Variants in JAKMIP2 observed in about 807,000 individuals in gnomAD.
JAKMIP2 encodes janus kinase and microtubule-interacting protein 2.
Under a neutral mutation model 115.0 loss-of-function variants are expected in JAKMIP2, and 25 were observed. The observed-to-expected ratio is 0.22, with a 90% CI of 0.16 to 0.30. The LOEUF (loss-of-function observed/expected upper bound fraction) is 0.30. Among genes scored for constraint, JAKMIP2 ranks in the 10% least tolerant of loss-of-function variants. The pLI, the probability that JAKMIP2 is intolerant of heterozygous loss-of-function variation, is 1.00. For synonymous variants in JAKMIP2, 334 were observed against 343.6 expected (o/e 0.97, Z 0.31); for missense variants, 642 against 957.6 (o/e 0.67, Z 4.35).
intron 14 of JAKMIP2, among the ~76,000 whole-genome samples, chr5:147,630,045 T>C (rs556133063): frequency 9.8e-5 from 15 of 152,300 alleles, no homozygotes; most frequent in African/African-American, 3.6e-4. Flanking sequence ...GTCTAGCATG[T>C]AGTAAAAGAC....
At chr5:147,659,331 C>A (rs1758841746) in intron 3 of JAKMIP2, among the ~76,000 whole-genome samples, 1 of 152,174 alleles carries the variant, frequency 6.6e-6, no homozygotes, top group African/African-American at 2.4e-5. Flanking sequence ...CGACGCCCCA[C>A]CCTGCTTCTG....
intron 16 of JAKMIP2, 96 bp downstream of exon 16, chr5:147,628,655 G>A (rs1757220279): frequency 1.2e-6 from 1 of 864,976 alleles, no homozygotes; most frequent in East Asian, 2.5e-5. Flanking sequence ...TTCACACACA[G>A]TCATGTGCAG....
chr5:147,685,368 G>A (rs188860860), intron 1 of JAKMIP2, among the ~76,000 whole-genome samples: 1 of 152,140 alleles, frequency 6.6e-6, no homozygotes, highest in Non-Finnish European at 1.5e-5. Flanking sequence ...AATAAGAAAA[G>A]CTAATATTTT....
rs536760937 is a variant in JAKMIP2, at chr5:147,704,326, C to T, written c.-148-32372G>A. On this transcript the variant is annotated intron_variant, in intron 1 of 21. Transcript: ENST00000616793. ...TAATACCACAAACACGTGAGTGATG[C>T]ATTGTGCTACAACATTACGACTGCT... is the stretch of plus-strand genomic sequence containing the variant. Among the ~76,000 whole-genome samples, 9 of 152,230 alleles carry T rather than the reference C, an allele frequency of 5.9e-5. No individual in the cohort carries two copies. In the South Asian group the frequency reaches 1.9e-3, roughly 32 times the overall value.
chr5:147,664,525 T>A (rs1484016862), intron 2 of JAKMIP2, among the ~76,000 whole-genome samples: 1 of 152,180 alleles, frequency 6.6e-6, no homozygotes, highest in Non-Finnish European at 1.5e-5. Flanking sequence ...TATTCTTCCA[T>A]CAGCTCCTTT....
chr5:147,698,885 T>C (rs1243196157), intron 1 of JAKMIP2, among the ~76,000 whole-genome samples: 1 of 152,146 alleles, frequency 6.6e-6, no homozygotes, highest in Admixed American at 6.5e-5. Flanking sequence ...ACAAAAATAA[T>C]CTGGATTTTC....
In JAKMIP2 at chr5:147,671,840, A is replaced by G; in HGVS notation, c.-34T>C. 6.6e-7 allele frequency: 1 copy of G among 1,512,156 alleles called. No homozygotes were observed. The highest frequency in any genetic ancestry group is 1.4e-5 in the African/African-American group (1 of 71,026). 93.7% of individuals were successfully genotyped at this position (1,512,156 alleles called of 1,614,324 possible). On this transcript the variant is annotated 5_prime_UTR_variant, in exon 2 of 22. Transcript: ENST00000616793. ...TCTAAATGGAGTCTGTTGGTTTTTA[A>G]TTTCTTTCAAGCAGGTGCTGCCATG... is the stretch of plus-strand genomic sequence containing the variant.
intron 10 of JAKMIP2, among the ~76,000 whole-genome samples, chr5:147,638,885 T>C (rs1314073907): frequency 6.6e-6 from 1 of 152,184 alleles, no homozygotes; most frequent in Non-Finnish European, 1.5e-5. Context: ...AAGATAATAA[T>C]CATATCTAGC....
At chr5:147,690,247 C>CCG (rs1369850671) in intron 1 of JAKMIP2, among the ~76,000 whole-genome samples, 1 of 151,910 alleles carries the variant, frequency 6.6e-6, no homozygotes, top group Non-Finnish European at 1.5e-5. Flanking sequence ...GTGGTAGAAT[C>CCG]ACTTGAGCCC....
chr5:147,736,496 C>T (rs1262510265), intron 1 of JAKMIP2, among the ~76,000 whole-genome samples: 1 of 152,022 alleles, frequency 6.6e-6, no homozygotes, highest in Non-Finnish European at 1.5e-5. Context: ...TTAAACTTTT[C>T]TTTCAATCAT....
At chr5:147,612,134 C>A (rs761104323) in intron 20 of JAKMIP2, 172 bp downstream of exon 20, 1 of 737,930 alleles carries the variant, frequency 1.4e-6, no homozygotes, top group East Asian at 2.5e-5. Flanking sequence ...TGATGGCAGA[C>A]GCTTTGCTGG....
At chr5:147,767,250 C>T (rs769980747) in intron 1 of JAKMIP2, among the ~76,000 whole-genome samples, 4 of 152,006 alleles carry the variant, frequency 2.6e-5, no homozygotes, top group Admixed American at 6.6e-5. Flanking sequence ...GCTGATATTG[C>T]CTTATTACCT....
chr5:147,722,731 G>T (rs1433878783), intron 1 of JAKMIP2, among the ~76,000 whole-genome samples: 1 of 152,050 alleles, frequency 6.6e-6, no homozygotes, highest in Admixed American at 6.6e-5. Flanking sequence ...TGACAAGTTT[G>T]GTGTTTTGTT....
intron 1 of JAKMIP2, among the ~76,000 whole-genome samples, chr5:147,714,381 T>C (rs2126919667): frequency 1.3e-5 from 2 of 152,102 alleles, no homozygotes; most frequent in African/African-American, 4.8e-5. Context: ...GGAATTTAGG[T>C]GTAACAGAAG....
chr5:147,601,720 G>C, intron 21 of JAKMIP2, 21 bp downstream of exon 21: 1 of 1,493,106 alleles, frequency 6.7e-7, no homozygotes. Flanking sequence ...ACCACATTTT[G>C]AGAATTAAAT....
At chr5:147,697,424 G>C (rs537284052) in intron 1 of JAKMIP2, among the ~76,000 whole-genome samples, 15 of 152,126 alleles carry the variant, frequency 9.9e-5, no homozygotes, top group Non-Finnish European at 1.8e-4. Flanking sequence ...GATTTGAATG[G>C]GGACACAGCC....
At chr5:147,655,783 G>A (rs1352094220) in intron 3 of JAKMIP2, among the ~76,000 whole-genome samples, 1 of 152,072 alleles carries the variant, frequency 6.6e-6, no homozygotes, top group African/African-American at 2.4e-5. Context: ...TAATTGTGAT[G>A]TTAGGGTGTT....
At chr5:147,607,860 T>C (rs1481428228) in intron 20 of JAKMIP2, among the ~76,000 whole-genome samples, 3 of 152,336 alleles carry the variant, frequency 2.0e-5, no homozygotes, top group East Asian at 3.9e-4. Context: ...GAACTTCTTA[T>C]TGGTCTATTC....
chr5:147,665,683 T>C (rs1218337576), intron 2 of JAKMIP2, among the ~76,000 whole-genome samples: 1 of 152,232 alleles, frequency 6.6e-6, no homozygotes, highest in Non-Finnish European at 1.5e-5. Context: ...TGATTACACT[T>C]AAAAATGTCT....
Sources: gnomAD v4.1 joint callset for allele counts (sites outside exome capture counted in the v4.1 genomes callset) on GRCh38, gnomAD v4.1.1 for gene constraint, MANE v1.5 for transcripts, NCBI Gene and HGNC (gene_info 2026-07-23, HGNC 2026-07-21) for gene names.